PPP1R16B: variants seen among roughly 807,000 people sequenced by gnomAD.
PPP1R16B encodes protein phosphatase 1 regulatory inhibitor subunit 16B.
PPP1R16B carries 14 observed loss-of-function variants against 61.7 expected under a neutral mutation model. The ratio of observed to expected loss-of-function variants is 0.23; its 90% confidence interval spans 0.15 to 0.35. PPP1R16B has a LOEUF of 0.35. Among genes scored for constraint, PPP1R16B ranks in the 10% least tolerant of loss-of-function variants. The pLI, the probability that PPP1R16B is intolerant of heterozygous loss-of-function variation, is 1.00. For missense variants in PPP1R16B, 547 were observed against 752.5 expected (o/e 0.73, Z 3.19); for synonymous variants, 266 against 305.3 (o/e 0.87, Z 1.34).
Position 38,918,075 on chromosome 20 carries a change from A to G in PPP1R16B, c.1195-82A>G, listed in dbSNP as rs1361154661. ...AACAGATAGAGGAAAAGTCCAAACA[A>G]TAATGCCCTCAGCAGAGAGACAGGT... On this transcript the variant is annotated intron_variant, in intron 10 of 10. Coordinates refer to ENST00000299824, the MANE Select transcript of PPP1R16B (RefSeq NM_015568.4). This position sits in a 1 kb window ranked among gnomAD's most constrained non-coding sequence, Gnocchi z 5.3. The G allele has an allele frequency of 3.3e-6, 5 of 1,537,706 alleles. No homozygotes were observed. The African/African-American group carries it at 4.1e-5, about 13-fold the overall frequency.
chr20:38,895,116 A>T (rs1601296817), intron 3 of PPP1R16B, among the ~76,000 whole-genome samples: 1 of 152,060 alleles, frequency 6.6e-6, no homozygotes, highest in South Asian at 2.1e-4. Context: ...GAAAGGGGAC[A>T]CCCTCCCAAC....
intron 2 of PPP1R16B, among the ~76,000 whole-genome samples, chr20:38,857,038 C>A (rs2085013459): frequency 6.6e-6 from 1 of 152,224 alleles, no homozygotes; most frequent in Non-Finnish European, 1.5e-5. Flanking sequence ...GTGGGCACAG[C>A]CACCTGGCTG....
At chr20:38,915,042 A>G (rs2085521909) in intron 10 of PPP1R16B, among the ~76,000 whole-genome samples, 1 of 152,132 alleles carries the variant, frequency 6.6e-6, no homozygotes, top group Non-Finnish European at 1.5e-5. Flanking sequence ...ATGAGTGGAA[A>G]GTACAGATAT....
intron 2 of PPP1R16B, among the ~76,000 whole-genome samples, chr20:38,848,111 C>T (rs972691533): frequency 7.9e-5 from 12 of 152,144 alleles, no homozygotes; most frequent in Admixed American, 2.0e-4. Flanking sequence ...TGAGTTGTAA[C>T]AGCGACCATG....
At chr20:38,860,233 G>T (rs1372098967) in intron 2 of PPP1R16B, among the ~76,000 whole-genome samples, 1 of 151,930 alleles carries the variant, frequency 6.6e-6, no homozygotes, top group Non-Finnish European at 1.5e-5. Flanking sequence ...CTCCCATAGT[G>T]CTGGGATTAA....
intron 3 of PPP1R16B, 68 bp downstream of exon 3, chr20:38,889,733 G>T: frequency 6.9e-7 from 1 of 1,454,166 alleles, no homozygotes; most frequent in Non-Finnish European, 9.7e-7. Context: ...CTGTTTCTCG[G>T]CACTTTCCTG....
chr20:38,858,867 G>T (rs370920382), intron 2 of PPP1R16B, among the ~76,000 whole-genome samples: 1 of 152,170 alleles, frequency 6.6e-6, no homozygotes, highest in Non-Finnish European at 1.5e-5. Flanking sequence ...GAGCCCAGAG[G>T]GGAAAATTTG....
At chr20:38,845,990 G>T (rs1270825811) in intron 2 of PPP1R16B, among the ~76,000 whole-genome samples, 2 of 152,196 alleles carry the variant, frequency 1.3e-5, no homozygotes, top group African/African-American at 4.8e-5. Flanking sequence ...GAGCCCACAG[G>T]GCTTCTGTGT....
intron 2 of PPP1R16B, among the ~76,000 whole-genome samples, chr20:38,868,216 T>C (rs1311087030): frequency 6.6e-6 from 1 of 152,190 alleles, no homozygotes; most frequent in Non-Finnish European, 1.5e-5. Flanking sequence ...ACAGTCCCTC[T>C]GAACAACTGC....
At chr20:38,831,654 G>T (rs2084838136) in intron 1 of PPP1R16B, among the ~76,000 whole-genome samples, 1 of 152,214 alleles carries the variant, frequency 6.6e-6, no homozygotes, top group African/African-American at 2.4e-5. Context: ...CTCTACACCA[G>T]TTGATGGTGA....
chr20:38,843,175 TA>T (rs2084919333), intron 2 of PPP1R16B, among the ~76,000 whole-genome samples: 1 of 152,268 alleles, frequency 6.6e-6, no homozygotes, highest in African/African-American at 2.4e-5. Context: ...ATTCGAAATT[TA>T]AACGGAGGCA....
At chr20:38,839,869 GA>G (rs1351145949) in intron 2 of PPP1R16B, among the ~76,000 whole-genome samples, 1 of 152,222 alleles carries the variant, frequency 6.6e-6, no homozygotes, top group East Asian at 1.9e-4. Flanking sequence ...TTGCCACAGT[GA>G]ATGTTTTATT....
At chr20:38,851,882 C>A (rs933289474) in intron 2 of PPP1R16B, among the ~76,000 whole-genome samples, 2 of 152,016 alleles carry the variant, frequency 1.3e-5, no homozygotes, top group Non-Finnish European at 2.9e-5. Context: ...AAAACAAAAA[C>A]AAAAGCCAGG....
intron 10 of PPP1R16B, among the ~76,000 whole-genome samples, chr20:38,916,842 T>A (rs1206367374): frequency 1.3e-5 from 2 of 151,896 alleles, no homozygotes; most frequent in African/African-American, 4.8e-5. Context: ...TATTTGTCAG[T>A]GTGATATCCA....
chr20:38,882,085 T>G (rs552154055), intron 2 of PPP1R16B, among the ~76,000 whole-genome samples: 1 of 152,188 alleles, frequency 6.6e-6, no homozygotes, highest in Admixed American at 6.5e-5. Context: ...TCCTCGTAAC[T>G]GGATTATGAG....
chr20:38,840,650 C>T (rs953787003), intron 2 of PPP1R16B, among the ~76,000 whole-genome samples: 3 of 152,202 alleles, frequency 2.0e-5, no homozygotes, highest in South Asian at 2.1e-4. Context: ...AGCCTTTTCC[C>T]GGCCCTGGTT....
At chr20:38,820,076 C>A (rs770122744) in intron 1 of PPP1R16B, among the ~76,000 whole-genome samples, 14 of 152,092 alleles carry the variant, frequency 9.2e-5, no homozygotes, top group Admixed American at 4.6e-4. Flanking sequence ...ACACTGTTTG[C>A]GAGAGTCATC....
intron 4 of PPP1R16B, among the ~76,000 whole-genome samples, chr20:38,896,679 ATTG>A (rs2085352214): frequency 6.6e-6 from 1 of 152,056 alleles, no homozygotes; most frequent in African/African-American, 2.4e-5. Context: ...GTACATTCAT[ATTG>A]TTGTGCAGCC....
intron 2 of PPP1R16B, among the ~76,000 whole-genome samples, chr20:38,871,418 T>C (rs1468345166): frequency 6.6e-6 from 1 of 152,104 alleles, no homozygotes; most frequent in Non-Finnish European, 1.5e-5. Flanking sequence ...GATTGGTTTA[T>C]TCATTCAGCA....
Sources: gnomAD v4.1 joint callset for allele counts (sites outside exome capture counted in the v4.1 genomes callset) on GRCh38, gnomAD v4.1.1 for gene constraint, Gnocchi (gnomAD v3.1) non-coding constraint, MANE v1.5 for transcripts, NCBI Gene and HGNC (gene_info 2026-07-23, HGNC 2026-07-21) for gene names.